PKP2: variants seen among roughly 807,000 people sequenced by gnomAD.
The protein encoded by PKP2 is plakophilin-2.
A neutral mutation model predicts 83.4 loss-of-function variants in PKP2; 73 were observed. The ratio of observed to expected loss-of-function variants is 0.88; its 90% CI spans 0.72 to 1.06. The LOEUF is 1.06. Among genes scored for constraint, PKP2 ranks in the 50% least tolerant of loss-of-function variants. PKP2 has a pLI of 0.00. For missense variants in PKP2, 966 were observed against 1,065.4 expected (o/e 0.91, Z 1.30); for synonymous variants, 409 against 430.4 (o/e 0.95, Z 0.62).
At chr12:32,839,276 C>T (rs1036408296) in intron 6 of PKP2, among the ~76,000 whole-genome samples, 38 of 151,750 alleles carry the variant, frequency 2.5e-4, no homozygotes, top group African/African-American at 9.2e-4. Context: ...TTGGACAATC[C>T]AGGCCAACAG....
chr12:32,870,993 C>T (rs1956891484), intron 3 of PKP2, among the ~76,000 whole-genome samples: 1 of 152,154 alleles, frequency 6.6e-6, no homozygotes, highest in African/African-American at 2.4e-5. Flanking sequence ...GTGAAGACTT[C>T]CTCAGCAAGG....
chr12:32,808,780 G>A (rs1165394006), intron 9 of PKP2, among the ~76,000 whole-genome samples: 1 of 152,134 alleles, frequency 6.6e-6, no homozygotes, highest in Non-Finnish European at 1.5e-5. Context: ...AGCAACCACA[G>A]GGCTGCTGTG....
chr12:32,888,740 G>A (rs1306414428), intron 1 of PKP2, among the ~76,000 whole-genome samples: 3 of 150,146 alleles, frequency 2.0e-5, no homozygotes, highest in East Asian at 2.0e-4. Flanking sequence ...TGATCCACCC[G>A]CCTCAGCCTC....
chr12:32,829,804 G>C (rs1188420438), intron 6 of PKP2, among the ~76,000 whole-genome samples: 1 of 152,130 alleles, frequency 6.6e-6, no homozygotes, highest in South Asian at 2.1e-4. Flanking sequence ...GGGATCACAA[G>C]TGTGTGCCAC....
chr12:32,825,162 C>CTTTTTTT (rs10607965), intron 6 of PKP2, among the ~76,000 whole-genome samples: 10 of 76,842 alleles, frequency 1.3e-4, no homozygotes, highest in African/African-American at 2.5e-4. Context: ...AGATCAGTTT[C>CTTTTTTT]TTTTTTTTTT....
intron 1 of PKP2, among the ~76,000 whole-genome samples, chr12:32,892,826 G>GGT (rs574240210): frequency 7.8e-6 from 1 of 128,558 alleles, no homozygotes; most frequent in Middle Eastern, 3.5e-3. Context: ...GGCGGGGGGG[G>GGT]GGGGAGAACT....
At position 32,791,194 on chromosome 12, in the gene PKP2, T is replaced by C. The variant is rs1956062242; in HGVS notation, c.*1230A>G. The C allele has an allele frequency of 6.7e-6, 1 of 148,882 alleles. No individual in the cohort carries two copies. Among genetic ancestry groups the C allele is most frequent in the East Asian group, 1.9e-4 (1 of 5,182 alleles). The allele number at this position is 148,882 out of a possible 1,614,324, so 9.2% of individuals were successfully genotyped here. A position where few individuals can be genotyped will look rare whatever the true frequency, so the allele number is the denominator to read the frequency against. On this transcript the variant is annotated 3_prime_UTR_variant, in exon 13 of 13. Transcript: ENST00000340811. The stretch of plus-strand genomic sequence containing the variant: ...AATCATAGCGCAGTTAAAACAACAT[T>C]TAATGTAGATTCATTTCGCTGGATG...
Position 32,821,373 on chromosome 12 carries a change from T to C in PKP2, c.1996A>G (p.Thr666Ala). Residue 666 changes from threonine (T) to alanine (A), a missense_variant, in exon 9 of 13, where the codon ACG (threonine) becomes GCG (alanine). Physicochemically the swap from Thr to Ala is moderately conservative, Grantham distance 58. Coordinates refer to ENST00000340811, the MANE Select transcript of PKP2 (RefSeq NM_001005242.3). The stretch of plus-strand genomic sequence containing the variant: ...ATACTCACTGGTCCACTTCCGGCCG[T>C]GAGGTTCTGCAGAGCTCCTAAGGAT... ...EASLGALQNL[T>A]AGSGPMPTSV... 1.9e-6 allele frequency: 3 copies of C among 1,614,114 alleles called. No homozygotes were observed. Among genetic ancestry groups the C allele is most frequent in the Non-Finnish European group, 2.5e-6 (3 of 1,179,992 alleles).
chr12:32,869,615 AAG>A (rs1235412412), intron 3 of PKP2, among the ~76,000 whole-genome samples: 1 of 151,640 alleles, frequency 6.6e-6, no homozygotes, highest in Non-Finnish European at 1.5e-5. Flanking sequence ...AAAAAAAAGA[AAG>A]AAAAAAGATA....
intron 1 of PKP2, among the ~76,000 whole-genome samples, chr12:32,892,389 T>C (rs914420356): frequency 1.3e-5 from 2 of 151,330 alleles, no homozygotes; most frequent in Non-Finnish European, 2.9e-5. Context: ...CTTGGCTCAC[T>C]GAAACCTCTG....
intron 10 of PKP2, among the ~76,000 whole-genome samples, chr12:32,799,174 T>C (rs534790694): frequency 2.0e-5 from 3 of 151,908 alleles, no homozygotes; most frequent in Admixed American, 2.0e-4. Context: ...GCCTCATACA[T>C]ATGAAAAAAT....
intron 9 of PKP2, among the ~76,000 whole-genome samples, chr12:32,805,654 A>G (rs576813583): frequency 6.6e-6 from 1 of 152,120 alleles, no homozygotes; most frequent in South Asian, 2.1e-4. Flanking sequence ...ATTCAATTCC[A>G]TTGGTCTATG....
At chr12:32,855,189 T>C (rs1225517388) in intron 4 of PKP2, among the ~76,000 whole-genome samples, 1 of 152,208 alleles carries the variant, frequency 6.6e-6, no homozygotes, top group Admixed American at 6.5e-5. Flanking sequence ...AGTGACTACA[T>C]CTTTTGTAAT....
At chr12:32,852,484 A>G (rs1412995623) in intron 4 of PKP2, among the ~76,000 whole-genome samples, 1 of 152,224 alleles carries the variant, frequency 6.6e-6, no homozygotes, top group Admixed American at 6.5e-5. Context: ...AATAGCCACA[A>G]CAATAACAAC....
At chr12:32,854,679 A>C (rs1186957308) in intron 4 of PKP2, among the ~76,000 whole-genome samples, 1 of 152,212 alleles carries the variant, frequency 6.6e-6, no homozygotes, top group Non-Finnish European at 1.5e-5. Context: ...GACTACCATG[A>C]ATGTTTCAGA....
intron 1 of PKP2, among the ~76,000 whole-genome samples, chr12:32,882,442 AG>A (rs1436725463): frequency 6.6e-6 from 1 of 152,216 alleles, no homozygotes; most frequent in Non-Finnish European, 1.5e-5. Context: ...GTAGATATTC[AG>A]GAACAGTTAA....
chr12:32,814,142 A>G (rs908946945), intron 9 of PKP2, among the ~76,000 whole-genome samples: 1 of 152,082 alleles, frequency 6.6e-6, no homozygotes, highest in Non-Finnish European at 1.5e-5. Context: ...CCTCAAATGC[A>G]TAAGTCCTGC....
At chr12:32,836,061 C>G (rs1956543234) in intron 6 of PKP2, among the ~76,000 whole-genome samples, 1 of 152,206 alleles carries the variant, frequency 6.6e-6, no homozygotes, top group African/African-American at 2.4e-5. Context: ...CTTGCTGGCT[C>G]CAACACACTG....
intron 10 of PKP2, among the ~76,000 whole-genome samples, chr12:32,800,098 T>C (rs3907042): frequency 0.21 from 31,282 of 152,188 alleles, 3,891 homozygotes; most frequent in East Asian, 0.57. Context: ...ATAGAGAGCA[T>C]GCATCTTTTG....
Sources: allele counts gnomAD v4.1 joint callset (sites outside exome capture counted in the v4.1 genomes callset), GRCh38; gene constraint gnomAD v4.1.1; transcripts MANE v1.5; gene names NCBI Gene and HGNC (gene_info 2026-07-23, HGNC 2026-07-21).